KRT222: variants seen among roughly 807,000 people sequenced by gnomAD.
KRT222 encodes the protein keratin-like protein KRT222.
A neutral mutation model predicts 35.0 loss-of-function variants in KRT222; 23 were observed. The ratio of observed to expected loss-of-function variants is 0.66; its 90% CI spans 0.47 to 0.93. The LOEUF (loss-of-function observed/expected upper bound fraction) is 0.93. Among genes scored for constraint, KRT222 ranks in the 40% least tolerant of loss-of-function variants. The pLI is 0.00. For synonymous variants in KRT222, 108 were observed against 118.8 expected (o/e 0.91, Z 0.59); for missense variants, 339 against 346.3 (o/e 0.98, Z 0.17).
chr17:40,662,163 T>C, intron 1 of KRT222, 119 bp from the exon 2 acceptor site: 1 of 1,269,266 alleles, frequency 7.9e-7, no homozygotes, highest in Non-Finnish European at 1.1e-6. Flanking sequence ...TTTCCTTAAC[T>C]CATTAGATTA....
At chr17:40,659,462 G>A (rs911049242) in intron 3 of KRT222, among the ~76,000 whole-genome samples, 16 of 151,932 alleles carry the variant, frequency 1.1e-4, no homozygotes, top group Admixed American at 2.6e-4. Context: ...GGCGTGAGCC[G>A]CTGCACCCAG....
Position 40,656,300 on chromosome 17 carries a change from C to T in KRT222, c.*102G>A. 2 of 738,400 alleles carry T rather than the reference C, an allele frequency of 2.7e-6. No homozygotes were observed. Among genetic ancestry groups the T allele is most frequent in the Non-Finnish European group, 4.7e-6 (2 of 426,444 alleles). 45.7% of individuals were successfully genotyped at this position (738,400 alleles called of 1,614,324 possible). A position where few individuals can be genotyped will look rare whatever the true frequency, so the allele number is the denominator to read the frequency against. The stretch of plus-strand genomic sequence containing the variant: ...AACCACATATTGATCATAACATTTT[C>T]CATACATACGTAATAACTTACATTT... On this transcript the variant is annotated 3_prime_UTR_variant, in exon 6 of 6. Coordinates refer to ENST00000394052, the MANE Select transcript of KRT222 (RefSeq NM_152349.3).
intron 5 of KRT222, 22 bp from the exon 6 acceptor site, chr17:40,656,652 T>C (rs1415765583): frequency 7.2e-7 from 1 of 1,387,954 alleles, no homozygotes; most frequent in Non-Finnish European, 1.0e-6. Context: ...AAATAAACCT[T>C]TTAATAATGA....
intron 3 of KRT222, 66 bp from the exon 4 acceptor site, chr17:40,657,816 A>T (rs2037356117): frequency 9.3e-7 from 1 of 1,074,224 alleles, no homozygotes. Flanking sequence ...AACAAACAGG[A>T]GAATGGATAA....
intron 3 of KRT222, among the ~76,000 whole-genome samples, chr17:40,659,739 T>C (rs936424047): frequency 6.6e-6 from 1 of 152,196 alleles, no homozygotes; most frequent in African/African-American, 2.4e-5. Context: ...TACAAGATCA[T>C]TTTTGTAGTA....
chr17:40,661,891 C>G, intron 2 of KRT222, 25 bp downstream of exon 2: 2 of 1,609,056 alleles, frequency 1.2e-6, no homozygotes, highest in Non-Finnish European at 1.7e-6. Flanking sequence ...CTCGATGGGT[C>G]GGTTACTTTT....
At position 40,655,980 on chromosome 17, in the gene KRT222, T is replaced by C. The variant is rs112265868; in HGVS notation, c.*422A>G. 0.023 allele frequency: 3,512 copies of C among 153,042 alleles called. 120 individuals carry two copies. Among genetic ancestry groups the C allele is most frequent in the African/African-American group, 0.079 (3,272 of 41,558 alleles). 9.5% of individuals were successfully genotyped at this position (153,042 alleles called of 1,614,324 possible). On this transcript the variant is annotated 3_prime_UTR_variant, in exon 6 of 6. Transcript: ENST00000394052. Reference sequence around the variant, plus strand: ...GGTTTAACCAGTCATGGAATAATGGTGAATAACTCAGTGTGACTCTTAACA... The same window carrying C: ...GGTTTAACCAGTCATGGAATAATGGCGAATAACTCAGTGTGACTCTTAACA...
At chr17:40,657,321 A>C in intron 5 of KRT222, 31 bp downstream of exon 5, 1 of 1,424,188 alleles carries the variant, frequency 7.0e-7, no homozygotes, top group Non-Finnish European at 9.4e-7. Flanking sequence ...TATATTTATT[A>C]TTATTTCTTA....
At chr17:40,664,846 T>C (rs2037410516) in intron 1 of KRT222, 158 bp downstream of exon 1, 1 of 1,217,742 alleles carries the variant, frequency 8.2e-7, no homozygotes, top group Non-Finnish European at 1.1e-6. Context: ...TATTTCCCCC[T>C]GTAGTCCCAG....
chr17:40,663,214 G>A lies in KRT222; in HGVS notation c.97-1170C>T, dbSNP rs141068603. Among the ~76,000 whole-genome samples the A allele has an allele frequency of 1.8e-3, 268 of 152,288 alleles. 2 individuals carry two copies. The highest frequency in any genetic ancestry group is 6.1e-3 in the African/African-American group (253 of 41,556). On this transcript the variant is annotated intron_variant, in intron 1 of 5. Transcript: ENST00000394052. ...TGGAACTGGCAGCTAAGCTTGTTCG[G>A]TAACTACAGTCCCAAGATGGCCCCT... is the stretch of plus-strand genomic sequence containing the variant.
Position 40,665,138 on chromosome 17 carries a change from C to CGATAGGA in KRT222, c.-46_-40dup, listed in dbSNP as rs1567854504. Reference sequence around the variant, plus strand: ...TCCACCTTGGCTAACTGAACCTTATCGATAGGATGAGTCGCTGCGGCAGTC... The same window carrying CGATAGGA: ...TCCACCTTGGCTAACTGAACCTTATCGATAGGAGATAGGATGAGTCGCTGCGGCAGTC... On this transcript the variant is annotated 5_prime_UTR_variant, in exon 1 of 6. Transcript: ENST00000394052. The CGATAGGA allele has an allele frequency of 2.5e-6, 4 of 1,592,616 alleles. No individual in the cohort carries two copies. Among genetic ancestry groups the CGATAGGA allele is most frequent in the Non-Finnish European group, 2.6e-6 (3 of 1,161,822 alleles).
intron 1 of KRT222, among the ~76,000 whole-genome samples, chr17:40,662,994 G>A (rs867417520): frequency 9.9e-5 from 15 of 152,038 alleles, no homozygotes; most frequent in African/African-American, 3.6e-4. Context: ...TATGAATAAA[G>A]TTTAGGGCAA....
Position 40,655,372 on chromosome 17 carries a change from C to A in KRT222, c.*1030G>T, listed in dbSNP as rs1254478712. On this transcript the variant is annotated 3_prime_UTR_variant, in exon 6 of 6. Coordinates refer to ENST00000394052, the MANE Select transcript of KRT222 (RefSeq NM_152349.3). ...ACTTATTCACAAATATATTTTCTACCCATATTTATTACAATTTGAACGATT... is the reference window on the plus strand; with the variant it reads ...ACTTATTCACAAATATATTTTCTACACATATTTATTACAATTTGAACGATT... The A allele has an allele frequency of 6.6e-6, 1 of 151,886 alleles. No individual in the cohort carries two copies. The highest frequency in any genetic ancestry group is 1.9e-4 in the East Asian group (1 of 5,200). The allele number at this position is 151,886 out of a possible 1,614,324, so 9.4% of individuals were successfully genotyped here. A position where few individuals can be genotyped will look rare whatever the true frequency, so the allele number is the denominator to read the frequency against.
rs991309519 is a variant in KRT222 at position 40,656,291 on chromosome 17, T to C, written c.*111A>G. 1.4e-5 allele frequency: 10 copies of C among 708,178 alleles called. No homozygotes were observed. The highest frequency in any genetic ancestry group is 7.6e-5 in the East Asian group (3 of 39,730). 43.9% of individuals were successfully genotyped at this position (708,178 alleles called of 1,614,324 possible). Reference sequence around the variant, plus strand: ...TCTGAAGAGAACCACATATTGATCATAACATTTTCCATACATACGTAATAA... The same window carrying C: ...TCTGAAGAGAACCACATATTGATCACAACATTTTCCATACATACGTAATAA... On this transcript the variant is annotated 3_prime_UTR_variant, in exon 6 of 6. Transcript: ENST00000394052.
chr17:40,659,873 G>C, intron 3 of KRT222, 114 bp downstream of exon 3: 1 of 832,524 alleles, frequency 1.2e-6, no homozygotes, highest in South Asian at 1.6e-5. Context: ...GGCTCAGTGA[G>C]TACACCATGA....
chr17:40,657,551 T>G (rs2037353662), intron 4 of KRT222, 64 bp from the exon 5 acceptor site: 1 of 1,487,434 alleles, frequency 6.7e-7, no homozygotes, highest in Non-Finnish European at 9.1e-7. Flanking sequence ...CAAATTATAT[T>G]CAAACTTTTA....
Position 40,656,536 on chromosome 17 carries a change from C to T in KRT222, c.754G>A (p.Asp252Asn). 1 of 1,613,628 alleles carries T rather than the reference C, an allele frequency of 6.2e-7. No individual in the cohort carries two copies. Among genetic ancestry groups the T allele is most frequent in the Non-Finnish European group, 8.5e-7 (1 of 1,179,620 alleles). ...TCATCAGTGGCTGCTAAATGAAGAT[C>T]AAATCGAAGAGAAACAGACTTTTTC... ...LRKKSVSLRF[D>N]LHLAATDEGC... Residue 252 changes from aspartate to asparagine, a missense_variant, in exon 6 of 6, where the codon GAT (aspartate) becomes AAT (asparagine). Transcript: ENST00000394052.
intron 1 of KRT222, among the ~76,000 whole-genome samples, chr17:40,664,269 G>A (rs566561945): frequency 6.6e-6 from 1 of 152,232 alleles, no homozygotes; most frequent in African/African-American, 2.4e-5. Context: ...CTTGCTGAAG[G>A]TGATTGTTAC....
In KRT222 at chr17:40,656,628, G is replaced by T. The variant is rs1478543423; in HGVS notation, c.662C>A (p.Thr221Lys). The T allele has an allele frequency of 1.3e-6, 2 of 1,559,490 alleles. No individual in the cohort carries two copies. Among genetic ancestry groups the T allele is most frequent in the Non-Finnish European group, 1.8e-6 (2 of 1,131,818 alleles). Residue 221 changes from threonine (T) to lysine (K), a missense_variant and splice_region_variant, in exon 6 of 6, where the codon ACA becomes AAA. Transcript: ENST00000394052. The part of the protein sequence containing the change: ...ESTEAHGTIQ[T>K]EKVDEVIKEW... Reference sequence around the variant, plus strand: ...TTTAATAACTTCATCCACTTTCTCTGTCCTGAAATGATAAAATAAACCTTT... The same window carrying T: ...TTTAATAACTTCATCCACTTTCTCTTTCCTGAAATGATAAAATAAACCTTT...
Sources: gnomAD v4.1 joint callset for allele counts (sites outside exome capture counted in the v4.1 genomes callset) on GRCh38, gnomAD v4.1.1 for gene constraint, MANE v1.5 for transcripts, NCBI Gene and HGNC (gene_info 2026-07-23, HGNC 2026-07-21) for gene names.